Variants in CCDC170 observed in about 807,000 individuals in gnomAD.
The protein encoded by CCDC170 is coiled-coil domain-containing protein 170.
Under a neutral mutation model 72.6 loss-of-function variants are expected in CCDC170, and 69 were observed. That is an observed-to-expected ratio of 0.95 (90% CI 0.78 to 1.16). The LOEUF (loss-of-function observed/expected upper bound fraction) is 1.16, where lower values mean the gene tolerates loss of function less well. CCDC170 is among the 50% of genes most tolerant of loss of function. The pLI is 0.00. For synonymous variants in CCDC170, 300 were observed against 303.9 expected (o/e 0.99, Z 0.13); for missense variants, 852 against 832.5 (o/e 1.02, Z -0.29).
chr6:151,546,519 T>C (rs1782774003), intron 4 of CCDC170, among the ~76,000 whole-genome samples: 1 of 152,098 alleles, frequency 6.6e-6, no homozygotes, highest in African/African-American at 2.4e-5. Flanking sequence ...GAGCCTGCCC[T>C]TCCCAGCAGA....
intron 5 of CCDC170, 101 bp downstream of exon 5, chr6:151,548,590 A>AT (rs3842129): frequency 0.65 from 592,214 of 905,616 alleles, 198,064 homozygotes; most frequent in Admixed American, 0.72. Context: ...ACTGATTACG[A>AT]TTTTTTTTAT....
At position 151,544,674 on chromosome 6, in the gene CCDC170, T is replaced by G; in HGVS notation, c.546T>G (p.Asp182Glu). Residue 182 changes from aspartate to glutamate, a missense_variant, in exon 4 of 11, where the codon GAT becomes GAG. By Grantham distance (45) the Asp-to-Glu change is conservative (BLOSUM62 2). Coordinates refer to ENST00000239374, the MANE Select transcript of CCDC170 (RefSeq NM_025059.4). ...AACTGCGTGACTGCTTGGATCCAGA[T>G]GAGAGGAATGACAAGGCATCAGATG... ...LTQLRDCLDP[D>E]ERNDKASDED... 1 of 1,613,270 alleles carries G rather than the reference T, an allele frequency of 6.2e-7. No individual in the cohort carries two copies. Among genetic ancestry groups the G allele is most frequent in the Non-Finnish European group, 8.5e-7 (1 of 1,179,326 alleles).
chr6:151,590,352 G>T (rs1323983040), intron 7 of CCDC170, among the ~76,000 whole-genome samples: 1 of 151,940 alleles, frequency 6.6e-6, no homozygotes, highest in Non-Finnish European at 1.5e-5. Context: ...CAGGTGGATT[G>T]GTATTTCTTC....
intron 8 of CCDC170, among the ~76,000 whole-genome samples, chr6:151,595,432 C>A (rs981937145): frequency 6.6e-6 from 1 of 152,122 alleles, no homozygotes; most frequent in Non-Finnish European, 1.5e-5. Flanking sequence ...TTCTTACAGT[C>A]CCTTTTATTT....
chr6:151,573,937 T>G (rs1218750898), intron 6 of CCDC170, among the ~76,000 whole-genome samples: 2 of 152,182 alleles, frequency 1.3e-5, no homozygotes, highest in Non-Finnish European at 2.9e-5. Flanking sequence ...GTGACTTATC[T>G]CAATTAGCTA....
At chr6:151,607,650 C>A (rs745928764) in intron 9 of CCDC170, among the ~76,000 whole-genome samples, 2 of 151,418 alleles carry the variant, frequency 1.3e-5, no homozygotes, top group Non-Finnish European at 2.9e-5. Flanking sequence ...TCCCTTTTAG[C>A]ACTTTGAATC....
Position 151,548,458 on chromosome 6 carries a change from C to T in CCDC170, c.743C>T (p.Ser248Phe). Residue 248 changes from serine (S) to phenylalanine (F), a missense_variant, in exon 5 of 11, where the codon TCC becomes TTC. Transcript: ENST00000239374. ...AACAGAGAGCAGAAAAAAGCTGCCT[C>T]CTGTACTGAAGAGAAAGAGAAGCTG... ...EVNREQKKAA[S>F]CTEEKEKLNQ... 1.3e-6 allele frequency: 2 copies of T among 1,594,800 alleles called. No homozygotes were observed.
At chr6:151,605,856 C>CT (rs1776774467) in intron 9 of CCDC170, among the ~76,000 whole-genome samples, 1 of 150,416 alleles carries the variant, frequency 6.6e-6, no homozygotes. Flanking sequence ...TTTTGTATAT[C>CT]TTGGGGTTCC....
chr6:151,529,832 G>A (rs1782469062), intron 1 of CCDC170, among the ~76,000 whole-genome samples: 1 of 152,124 alleles, frequency 6.6e-6, no homozygotes, highest in Admixed American at 6.6e-5. Flanking sequence ...AGGAAAATAA[G>A]TTTATTCCGT....
intron 5 of CCDC170, among the ~76,000 whole-genome samples, chr6:151,550,856 C>T (rs988801449): frequency 2.0e-5 from 3 of 152,168 alleles, no homozygotes; most frequent in Non-Finnish European, 2.9e-5. Context: ...GGTCCCCACC[C>T]TCAAAACTTC....
intron 6 of CCDC170, among the ~76,000 whole-genome samples, chr6:151,584,086 T>C (rs938469710): frequency 6.6e-6 from 1 of 152,206 alleles, no homozygotes; most frequent in African/African-American, 2.4e-5. Context: ...GCGTGTGCTG[T>C]CAGAAAAATG....
At chr6:151,512,082 C>T (rs950564921) in intron 1 of CCDC170, among the ~76,000 whole-genome samples, 2 of 151,794 alleles carry the variant, frequency 1.3e-5, no homozygotes, top group Admixed American at 6.6e-5. Context: ...TGAGCATAAG[C>T]AATCCTCTTA....
At chr6:151,494,665 C>T (rs1781883889) in intron 1 of CCDC170, among the ~76,000 whole-genome samples, 3 of 152,168 alleles carry the variant, frequency 2.0e-5, no homozygotes, top group Admixed American at 1.3e-4. Context: ...AATGCATCTA[C>T]TCATTTACTC....
intron 1 of CCDC170, among the ~76,000 whole-genome samples, chr6:151,519,969 A>T (rs76049308): frequency 0.046 from 6,934 of 152,176 alleles, 444 homozygotes; most frequent in African/African-American, 0.14. Flanking sequence ...TTTTATCAGC[A>T]GGGTCTTTGT....
rs117188252 is a variant in CCDC170 at position 151,551,667 on chromosome 6, C to T, written c.774+3178C>T. ...ACTTAGCCTCCTCTCGGGAGGCCCA[C>T]GTGGTAAGGACCTGAGGCCTGTCAG... is the stretch of plus-strand genomic sequence containing the variant. On this transcript the variant is annotated intron_variant, in intron 5 of 10. Transcript: ENST00000239374. 9.2e-5 allele frequency among the ~76,000 whole-genome samples: 14 copies of T among 152,216 alleles called. No homozygotes were observed. The East Asian group carries it at 2.3e-3, about 25-fold the overall frequency.
chr6:151,585,441 C>G (rs1481711076), intron 6 of CCDC170, among the ~76,000 whole-genome samples: 1 of 152,142 alleles, frequency 6.6e-6, no homozygotes, highest in Non-Finnish European at 1.5e-5. Context: ...CATGAATTCC[C>G]TGTAATACCT....
intron 9 of CCDC170, among the ~76,000 whole-genome samples, chr6:151,597,710 A>G (rs1396766669): frequency 6.6e-6 from 1 of 152,244 alleles, no homozygotes; most frequent in East Asian, 1.9e-4. Flanking sequence ...GAGCAAAAAG[A>G]AATGGAAACT....
At chr6:151,599,804 G>A (rs1468195296) in intron 9 of CCDC170, among the ~76,000 whole-genome samples, 1 of 152,136 alleles carries the variant, frequency 6.6e-6, no homozygotes, top group Non-Finnish European at 1.5e-5. Flanking sequence ...GTGGGTGAGG[G>A]TTCTGAGAAT....
intron 7 of CCDC170, among the ~76,000 whole-genome samples, chr6:151,587,558 T>C (rs939856609): frequency 1.3e-5 from 2 of 152,164 alleles, no homozygotes; most frequent in Admixed American, 6.5e-5. Flanking sequence ...AGTTGAAACA[T>C]GTACACTCAA....
Sources: allele counts gnomAD v4.1 joint callset (sites outside exome capture counted in the v4.1 genomes callset), GRCh38; gene constraint gnomAD v4.1.1; transcripts MANE v1.5; gene names NCBI Gene and HGNC (gene_info 2026-07-23, HGNC 2026-07-21).